NCKAP1: variants seen among roughly 807,000 people sequenced by gnomAD.
NCKAP1 encodes nck-associated protein 1.
NCKAP1 carries 21 observed loss-of-function variants against 151.2 expected under a neutral mutation model. The ratio of observed to expected loss-of-function variants is 0.14; its 90% CI spans 0.10 to 0.20. NCKAP1 has a LOEUF of 0.20. Ranked by LOEUF, NCKAP1 falls within the 10% of genes least tolerant of loss-of-function variation. The pLI is 1.00. For missense variants in NCKAP1, 933 were observed against 1,352.1 expected, an observed-to-expected ratio of 0.69 and a Z score of 4.86; for synonymous variants, 484 against 451.8, an observed-to-expected ratio of 1.07 and a Z score of -0.90.
At chr2:182,994,918 A>C in intron 7 of NCKAP1, 31 bp from the exon 8 acceptor site, 1 of 1,548,926 alleles carries the variant, frequency 6.5e-7, no homozygotes, top group Non-Finnish European at 8.9e-7. Flanking sequence ...ATTTGCAGTT[A>C]AAAGAAATTC....
Position 182,994,907 on chromosome 2 carries a change from C to G in NCKAP1, c.742-20G>C. The stretch of plus-strand genomic sequence containing the variant: ...AGGCATCTTAAAAAGAGAATATATA[C>G]ATTTGCAGTTAAAAGAAATTCTAAA... On this transcript the variant is annotated intron_variant, in intron 7 of 30. Transcript: ENST00000361354. The G allele has an allele frequency of 1.3e-6, 2 of 1,575,832 alleles. No individual in the cohort carries two copies. The highest frequency in any genetic ancestry group is 1.7e-6 in the Non-Finnish European group (2 of 1,148,534).
chr2:182,936,579 G>T (rs939030326), intron 24 of NCKAP1, among the ~76,000 whole-genome samples: 7 of 152,180 alleles, frequency 4.6e-5, no homozygotes, highest in Admixed American at 3.9e-4. Context: ...GTTACTAGTT[G>T]AGGAGTAGGA....
intron 1 of NCKAP1, among the ~76,000 whole-genome samples, chr2:183,032,726 T>C (rs1006097831): frequency 1.3e-5 from 2 of 152,198 alleles, no homozygotes; most frequent in African/African-American, 4.8e-5. Flanking sequence ...TAGGGTTACA[T>C]TCCAATAAAC....
intron 2 of NCKAP1, among the ~76,000 whole-genome samples, chr2:183,007,724 G>C (rs1698505504): frequency 1.3e-5 from 2 of 152,096 alleles, no homozygotes; most frequent in East Asian, 1.9e-4. Context: ...TTCTTAGTAT[G>C]ATATTCTAGG....
intron 27 of NCKAP1, among the ~76,000 whole-genome samples, chr2:182,930,429 T>C (rs1696739007): frequency 6.6e-6 from 1 of 152,076 alleles, no homozygotes; most frequent in Non-Finnish European, 1.5e-5. Context: ...AATCTTAGAA[T>C]GGCTCAAGGC....
At chr2:182,939,080 A>G (rs1165901755) in intron 24 of NCKAP1, among the ~76,000 whole-genome samples, 1 of 152,200 alleles carries the variant, frequency 6.6e-6, no homozygotes, top group Non-Finnish European at 1.5e-5. Context: ...GAGTTTTCGA[A>G]AGAAAAAATT....
chr2:183,021,906 C>A (rs1698804482), intron 2 of NCKAP1, among the ~76,000 whole-genome samples: 1 of 152,100 alleles, frequency 6.6e-6, no homozygotes, highest in Non-Finnish European at 1.5e-5. Context: ...TTAAAAAACA[C>A]TGAAACTGTA....
At chr2:182,956,326 C>T in intron 20 of NCKAP1, 136 bp downstream of exon 20, 1 of 1,117,558 alleles carries the variant, frequency 8.9e-7, no homozygotes, top group African/African-American at 1.6e-5. Flanking sequence ...AGGCGTGAGC[C>T]ACCACGCCCG....
Position 182,971,732 on chromosome 2 carries a change from G to A in NCKAP1, c.1483-4371C>T, listed in dbSNP as rs144837095. 5.1e-3 allele frequency among the ~76,000 whole-genome samples: 773 copies of A among 152,038 alleles called. 11 individuals carry two copies. The highest frequency in any genetic ancestry group is 0.018 in the African/African-American group (728 of 41,498). Reference sequence around the variant, plus strand: ...AAGCAGATACAAATATCAATGAAACGGAACACAGAACCCAGAAATAAATCC... The same window carrying A: ...AAGCAGATACAAATATCAATGAAACAGAACACAGAACCCAGAAATAAATCC... On this transcript the variant is annotated intron_variant, in intron 15 of 30. Transcript: ENST00000361354.
Position 183,006,344 on chromosome 2 carries a change from A to G in NCKAP1, c.220-3019T>C, listed in dbSNP as rs190322823. 3.6e-3 allele frequency among the ~76,000 whole-genome samples: 544 copies of G among 152,376 alleles called. 6 individuals are homozygous for G. Among genetic ancestry groups the G allele is most frequent in the African/African-American group, 0.013 (523 of 41,590 alleles). On this transcript the variant is annotated intron_variant, in intron 2 of 30. Transcript: ENST00000361354. The stretch of plus-strand genomic sequence containing the variant: ...GCCTCACAGCCAGAAGCTGTACATT[A>G]AATATTAAGTGAATAACAAAGGAAG...
chr2:182,988,349 C>A (rs985305845), intron 9 of NCKAP1, among the ~76,000 whole-genome samples: 1 of 151,864 alleles, frequency 6.6e-6, no homozygotes, highest in Non-Finnish European at 1.5e-5. Flanking sequence ...GCTAGGAAGC[C>A]CAACTTATAT....
chr2:183,009,635 C>T (rs1698554391), intron 2 of NCKAP1, among the ~76,000 whole-genome samples: 2 of 152,104 alleles, frequency 1.3e-5, no homozygotes, highest in Admixed American at 6.5e-5. Context: ...TGGTAAAATA[C>T]GCATAAAATT....
rs1697923762 is a variant in NCKAP1 at position 182,980,891 on chromosome 2, C to T, written c.1341+353G>A. On this transcript the variant is annotated intron_variant, in intron 13 of 30. Coordinates refer to ENST00000361354, the MANE Select transcript of NCKAP1 (RefSeq NM_013436.5). ...TCCTCATTTGGTTCCCAGCAATCTA[C>T]CATCCACACTGAACCAGGGTGATCT... Among the ~76,000 whole-genome samples the T allele has an allele frequency of 2.0e-5, 3 of 152,170 alleles. No individual in the cohort carries two copies. The South Asian group carries it at 6.2e-4, about 31-fold the overall frequency.
chr2:183,028,812 T>C (rs1233895001), intron 1 of NCKAP1, among the ~76,000 whole-genome samples: 1 of 152,090 alleles, frequency 6.6e-6, no homozygotes, highest in East Asian at 1.9e-4. Flanking sequence ...GAAACAAGAT[T>C]TTCCATAAAA....
intron 24 of NCKAP1, among the ~76,000 whole-genome samples, chr2:182,936,885 C>T (rs753656929): frequency 5.3e-5 from 8 of 151,792 alleles, no homozygotes; most frequent in Non-Finnish European, 8.8e-5. Context: ...GTGGCTGAGG[C>T]GGGTGGATCA....
chr2:183,008,874 T>G (rs1698532856), intron 2 of NCKAP1, among the ~76,000 whole-genome samples: 1 of 152,172 alleles, frequency 6.6e-6, no homozygotes, highest in African/African-American at 2.4e-5. Context: ...GAGACTGACA[T>G]ATGCATATCA....
In NCKAP1 at chr2:182,960,368, T is replaced by A. The variant is rs111640374; in HGVS notation, c.1881+1791A>T. Among the ~76,000 whole-genome samples, 660 of 152,202 alleles carry A rather than the reference T, an allele frequency of 4.3e-3. 1 individual carries two copies. Among genetic ancestry groups the A allele is most frequent in the Non-Finnish European group, 6.7e-3 (458 of 67,996 alleles). ...TACAGTAACCAAAACAGCATGGTAC[T>A]GGTACCAAAACAGAGATATAGACCA... On this transcript the variant is annotated intron_variant, in intron 18 of 30. Coordinates refer to ENST00000361354, the MANE Select transcript of NCKAP1 (RefSeq NM_013436.5).
At chr2:182,929,635 A>G (rs1696719147) in intron 27 of NCKAP1, among the ~76,000 whole-genome samples, 1 of 151,906 alleles carries the variant, frequency 6.6e-6, no homozygotes, top group South Asian at 2.1e-4. Flanking sequence ...AAGAGCTGAA[A>G]TATGTTTTAA....
chr2:182,990,815 G>C (rs920965991), intron 8 of NCKAP1, among the ~76,000 whole-genome samples: 3 of 151,980 alleles, frequency 2.0e-5, no homozygotes, highest in Non-Finnish European at 4.4e-5. Flanking sequence ...TTCCTTCTTG[G>C]GTCACTAGAG....
Sources: gnomAD v4.1 joint callset for allele counts (sites outside exome capture counted in the v4.1 genomes callset) on GRCh38, gnomAD v4.1.1 for gene constraint, MANE v1.5 for transcripts, NCBI Gene and HGNC (gene_info 2026-07-23, HGNC 2026-07-21) for gene names.